The following ZMYND12 variants were observed in gnomAD, a reference collection of about 807,000 sequenced individuals.
ZMYND12 encodes the protein zinc finger MYND-type containing 12.
A neutral mutation model predicts 41.7 loss-of-function variants in ZMYND12; 32 were observed. The observed-to-expected ratio is 0.77, with a 90% confidence interval of 0.58 to 1.03. The LOEUF (loss-of-function observed/expected upper bound fraction) is 1.03, where lower values mean the gene tolerates loss of function less well. Ranked by LOEUF, ZMYND12 falls within the 50% of genes least tolerant of loss-of-function variation. ZMYND12 has a pLI of 0.00. For missense variants in ZMYND12, 424 were observed against 438.5 expected (o/e 0.97, Z 0.30); for synonymous variants, 148 against 164.8 (o/e 0.90, Z 0.78).
intron 3 of ZMYND12, among the ~76,000 whole-genome samples, chr1:42,445,767 C>T (rs995589650): frequency 2.0e-5 from 3 of 152,004 alleles, no homozygotes; most frequent in Non-Finnish European, 4.4e-5. Context: ...GAAATTTGAT[C>T]TTTATTTAGA....
chr1:42,432,011 C>A (rs996896041), intron 7 of ZMYND12, among the ~76,000 whole-genome samples: 1 of 152,110 alleles, frequency 6.6e-6, no homozygotes, highest in Middle Eastern at 3.4e-3. Flanking sequence ...TCTCTCTCCC[C>A]CTGCCAACTG....
At position 42,455,915 on chromosome 1, in the gene ZMYND12, C is replaced by T; in HGVS notation, c.83G>A (p.Cys28Tyr). The T allele has an allele frequency of 3.1e-6, 5 of 1,613,674 alleles. No individual in the cohort carries two copies. The highest frequency in any genetic ancestry group is 4.2e-6 in the Non-Finnish European group (5 of 1,179,866). Residue 28 changes from cysteine (C) to tyrosine (Y), a missense_variant, in exon 1 of 8, where the codon TGC (cysteine) becomes TAC (tyrosine). Transcript: ENST00000372565. Reference sequence around the variant, plus strand: ...GTAATAAGTGACTGTGCAGGCCGCGCACACCCGCTCGGCTGGGGCTTCGCA... The same window carrying T: ...GTAATAAGTGACTGTGCAGGCCGCGTACACCCGCTCGGCTGGGGCTTCGCA... ...EVCEAPAERVCAACTVTYYCG... is the reference protein window; with the variant it reads ...EVCEAPAERVYAACTVTYYCG...
At chr1:42,445,397 C>T (rs2148408446) in intron 3 of ZMYND12, among the ~76,000 whole-genome samples, 1 of 148,254 alleles carries the variant, frequency 6.7e-6, no homozygotes, top group East Asian at 2.1e-4. Flanking sequence ...CAGGCCATTG[C>T]ACTCCAGCCT....
intron 3 of ZMYND12, among the ~76,000 whole-genome samples, chr1:42,441,890 G>A (rs1452944647): frequency 1.3e-5 from 2 of 152,186 alleles, no homozygotes; most frequent in African/African-American, 4.8e-5. Context: ...AAAGTGCTGG[G>A]ATTACAGGCG....
At chr1:42,447,266 AC>A (rs1643034104) in intron 3 of ZMYND12, among the ~76,000 whole-genome samples, 1 of 152,154 alleles carries the variant, frequency 6.6e-6, no homozygotes, top group Non-Finnish European at 1.5e-5. Flanking sequence ...ACACAGCATC[AC>A]CTCTGTACTG....
At chr1:42,451,405 T>G (rs182667088) in intron 1 of ZMYND12, among the ~76,000 whole-genome samples, 4 of 152,358 alleles carry the variant, frequency 2.6e-5, no homozygotes, top group Admixed American at 2.0e-4. Context: ...CATTTTCACT[T>G]AAATGTAAGT....
chr1:42,435,286 C>A lies in ZMYND12; in HGVS notation c.817G>T (p.Asp273Tyr). The A allele has an allele frequency of 6.2e-7, 1 of 1,613,452 alleles. No individual in the cohort carries two copies. The highest frequency in any genetic ancestry group is 1.1e-5 in the South Asian group (1 of 91,026). ...MDLLGKLFEN[D>Y]TGLDEAQEAE... ...AACTGCCACTTACCCAAGCCAGTGTCATTCTCAAATAGTTTGCCCAGTAAA... is the reference window on the plus strand; with the variant it reads ...AACTGCCACTTACCCAAGCCAGTGTAATTCTCAAATAGTTTGCCCAGTAAA... The change falls in exon 6 of 8, where the codon GAC becomes TAC. Residue 273 changes from aspartate (D) to tyrosine (Y), a missense_variant. By Grantham distance (160) the Asp-to-Tyr change is radical. Transcript: ENST00000372565.
At chr1:42,439,230 A>AAAC (rs10657884) in intron 4 of ZMYND12, among the ~76,000 whole-genome samples, 59,513 of 151,308 alleles carry the variant, frequency 0.39, 12,252 homozygotes, top group East Asian at 0.63. Flanking sequence ...GTGGCTAGTG[A>AAAC]AACAGATCTG....
At chr1:42,435,523 G>A in intron 5 of ZMYND12, 138 bp from the exon 6 acceptor site, 1 of 642,224 alleles carries the variant, frequency 1.6e-6, no homozygotes, top group Non-Finnish European at 2.8e-6. Flanking sequence ...TGGAGGCAGA[G>A]GGAACCCTAG....
Position 42,450,027 on chromosome 1 carries a change from C to T in ZMYND12, c.143G>A (p.Ser48Asn). 6.2e-7 allele frequency: 1 copy of T among 1,613,884 alleles called. No individual in the cohort carries two copies. Among genetic ancestry groups the T allele is most frequent in the Non-Finnish European group, 8.5e-7 (1 of 1,180,028 alleles). ...GAGCTGACATATTTTCTCATGGATG[C>T]TGTCCCAGTCAGCCTTCTGATGTAC... is the stretch of plus-strand genomic sequence containing the variant. ...GVVHQKADWD[S>N]IHEKICQLLI... Residue 48 changes from serine (S) to asparagine (N), a missense_variant, in exon 2 of 8, where the codon AGC becomes AAC. By Grantham distance (46) the Ser-to-Asn change is conservative. Coordinates refer to ENST00000372565, the MANE Select transcript of ZMYND12 (RefSeq NM_032257.5).
chr1:42,445,914 T>A (rs1643019589), intron 3 of ZMYND12, among the ~76,000 whole-genome samples: 1 of 152,164 alleles, frequency 6.6e-6, no homozygotes, highest in South Asian at 2.1e-4. Context: ...CAGAATCCCA[T>A]AGCTAGCCAG....
chr1:42,435,895 C>G (rs963427361), intron 5 of ZMYND12, among the ~76,000 whole-genome samples: 1 of 152,124 alleles, frequency 6.6e-6, no homozygotes, highest in Non-Finnish European at 1.5e-5. Flanking sequence ...CAGCAGAAAG[C>G]CTGTATTACA....
intron 3 of ZMYND12, among the ~76,000 whole-genome samples, chr1:42,442,831 G>A (rs1449910740): frequency 6.6e-6 from 1 of 152,168 alleles, no homozygotes; most frequent in African/African-American, 2.4e-5. Flanking sequence ...AACTTTGCCT[G>A]ATGGAAGGTC....
At chr1:42,440,420 T>C (rs942786401) in intron 3 of ZMYND12, among the ~76,000 whole-genome samples, 1 of 152,106 alleles carries the variant, frequency 6.6e-6, no homozygotes, top group Non-Finnish European at 1.5e-5. Flanking sequence ...TCCATTTATA[T>C]GAAATGTCCA....
chr1:42,448,428 A>C (rs1450363027), intron 3 of ZMYND12, 39 bp downstream of exon 3: 1 of 1,531,592 alleles, frequency 6.5e-7, no homozygotes, highest in Admixed American at 2.0e-5. Context: ...ACATAACACC[A>C]CTTAAGGGAT....
intron 3 of ZMYND12, among the ~76,000 whole-genome samples, chr1:42,443,349 G>A (rs1343778161): frequency 6.6e-6 from 1 of 152,166 alleles, no homozygotes; most frequent in Non-Finnish European, 1.5e-5. Flanking sequence ...TGAAGTGGAG[G>A]TGGTGGAGAC....
chr1:42,449,739 A>C (rs1440071599), intron 2 of ZMYND12, among the ~76,000 whole-genome samples, 179 bp downstream of exon 2: 2 of 152,222 alleles, frequency 1.3e-5, no homozygotes, highest in Non-Finnish European at 2.9e-5. Flanking sequence ...TAATACAGTA[A>C]GTATTTAGTA....
rs112185413 is a variant in ZMYND12 at position 42,440,670 on chromosome 1, G to T, written c.425-645C>A. On this transcript the variant is annotated intron_variant, in intron 3 of 7. Transcript: ENST00000372565. The stretch of plus-strand genomic sequence containing the variant: ...CCAACCACTGGATTGTCCTTTTTTT[G>T]TTGTTGTTGTTGTTTTTTTGAGGGA... Among the ~76,000 whole-genome samples, 71 of 105,450 alleles carry T rather than the reference G, an allele frequency of 6.7e-4. 3 individuals are homozygous for T. Among genetic ancestry groups the T allele is most frequent in the East Asian group, 1.8e-3 (6 of 3,422 alleles). 69.2% of individuals were successfully genotyped at this position (105,450 alleles called of 152,430 possible).
Position 42,456,012 on chromosome 1 carries a change from T to C in ZMYND12, c.-15A>G, listed in dbSNP as rs1185085492. The C allele has an allele frequency of 1.3e-6, 2 of 1,593,646 alleles. No homozygotes were observed. The highest frequency in any genetic ancestry group is 1.3e-5 in the African/African-American group (1 of 74,498). On this transcript the variant is annotated 5_prime_UTR_variant, in exon 1 of 8. Coordinates refer to ENST00000372565, the MANE Select transcript of ZMYND12 (RefSeq NM_032257.5). ...ATCACATTCATGGTGCAGCCAGCAG[T>C]GCTGGTCTCTAAGACGGTTGCCCAG...
Sources: gnomAD v4.1 joint callset for allele counts (sites outside exome capture counted in the v4.1 genomes callset) on GRCh38, gnomAD v4.1.1 for gene constraint, MANE v1.5 for transcripts, NCBI Gene and HGNC (gene_info 2026-07-23, HGNC 2026-07-21) for gene names.